PRKCE: variants seen among roughly 807,000 people sequenced by gnomAD.
PRKCE encodes the protein protein kinase C epsilon.
In PRKCE, 16 loss-of-function variants were observed where a neutral mutation model predicts 85.4. That is an observed-to-expected ratio of 0.19 (90% CI 0.13 to 0.28). PRKCE has a LOEUF of 0.28. PRKCE is among the 10% of genes least tolerant of loss of function. The pLI is 1.00. For missense variants in PRKCE, 573 were observed against 975.2 expected (o/e 0.59, Z 5.49); for synonymous variants, 388 against 371.5 (o/e 1.04, Z -0.51).
intron 10 of PRKCE, among the ~76,000 whole-genome samples, chr2:46,027,502 G>C (rs1422309474): frequency 6.6e-6 from 1 of 152,112 alleles, no homozygotes; most frequent in African/African-American, 2.4e-5. Flanking sequence ...CTAAAAGTGA[G>C]TCTTATTTGA....
At position 45,663,688 on chromosome 2, in the gene PRKCE, C is replaced by G. The variant is rs1441739212; in HGVS notation, c.348+11240C>G. ...GTTCCAGCTACTTGGGAGGCTGAGG[C>G]AGGAGAATGGCATGAACCCAGGAGG... On this transcript the variant is annotated intron_variant, in intron 1 of 14. Coordinates refer to ENST00000306156, the MANE Select transcript of PRKCE (RefSeq NM_005400.3). Among the ~76,000 whole-genome samples the G allele has an allele frequency of 2.0e-5, 3 of 151,838 alleles. No individual in the cohort carries two copies. The East Asian group carries it at 5.8e-4, about 29-fold the overall frequency.
chr2:46,003,198 G>T (rs1704851907), intron 7 of PRKCE, among the ~76,000 whole-genome samples: 1 of 152,216 alleles, frequency 6.6e-6, no homozygotes, highest in Non-Finnish European at 1.5e-5. Flanking sequence ...GAAGCTCAAA[G>T]GCTTCTTTGC....
intron 10 of PRKCE, among the ~76,000 whole-genome samples, chr2:46,026,084 CTAATTGT>C (rs1707088970): frequency 6.6e-6 from 1 of 152,174 alleles, no homozygotes; most frequent in Non-Finnish European, 1.5e-5. Flanking sequence ...GCTCTTTGAG[CTAATTGT>C]TAATTTTCAA....
At chr2:45,966,807 G>T (rs184055516) in intron 2 of PRKCE, among the ~76,000 whole-genome samples, 60 of 152,236 alleles carry the variant, frequency 3.9e-4, no homozygotes, top group Middle Eastern at 3.4e-3. Context: ...TAACATCTGG[G>T]GGTAGCTGAA....
At position 45,824,793 on chromosome 2, in the gene PRKCE, G is replaced by A. The variant is rs1022765632; in HGVS notation, c.349-18207G>A. Reference sequence around the variant, plus strand: ...TCCCTTTATGTGAGTTTTCTGATTTGTTGTGTGTTGCTTATCTGTTTATGA... The same window carrying A: ...TCCCTTTATGTGAGTTTTCTGATTTATTGTGTGTTGCTTATCTGTTTATGA... On this transcript the variant is annotated intron_variant, in intron 1 of 14. Transcript: ENST00000306156. 2.0e-5 allele frequency among the ~76,000 whole-genome samples: 3 copies of A among 152,162 alleles called. No homozygotes were observed. The East Asian group carries it at 5.8e-4, about 29-fold the overall frequency.
At chr2:45,753,741 T>C (rs974774522) in intron 1 of PRKCE, among the ~76,000 whole-genome samples, 5 of 152,194 alleles carry the variant, frequency 3.3e-5, no homozygotes, top group Admixed American at 1.3e-4. Flanking sequence ...GTCCCCATCA[T>C]CTAGATTTTT....
chr2:45,849,926 A>G (rs1268878329), intron 2 of PRKCE, among the ~76,000 whole-genome samples: 1 of 152,154 alleles, frequency 6.6e-6, no homozygotes, highest in African/African-American at 2.4e-5. Flanking sequence ...ACCAGATGAG[A>G]CCAAGGGGAT....
At chr2:46,143,917 G>T (rs953033139) in intron 11 of PRKCE, among the ~76,000 whole-genome samples, 5 of 152,198 alleles carry the variant, frequency 3.3e-5, no homozygotes, top group South Asian at 4.1e-4. Context: ...GATCCCTGGC[G>T]ATGGCCGGAG....
At chr2:45,672,379 C>A (rs1676215405) in intron 1 of PRKCE, among the ~76,000 whole-genome samples, 1 of 152,014 alleles carries the variant, frequency 6.6e-6, no homozygotes, top group Admixed American at 6.6e-5. Context: ...TCCATCTCTA[C>A]ATCCATCCAT....
chr2:45,997,615 C>T (rs570405826), intron 6 of PRKCE, among the ~76,000 whole-genome samples: 73 of 152,036 alleles, frequency 4.8e-4, no homozygotes, highest in Non-Finnish European at 5.9e-4. Context: ...GGTATGATCT[C>T]GGCTCACTAC....
At chr2:45,961,241 C>T (rs1198379416) in intron 2 of PRKCE, among the ~76,000 whole-genome samples, 6 of 152,206 alleles carry the variant, frequency 3.9e-5, no homozygotes, top group Non-Finnish European at 8.8e-5. Flanking sequence ...TCCTTTCCCC[C>T]CCCGATTTGG....
chr2:45,881,655 C>G (rs571328307), intron 2 of PRKCE, among the ~76,000 whole-genome samples: 1 of 152,318 alleles, frequency 6.6e-6, no homozygotes, highest in East Asian at 1.9e-4. Context: ...GTGGTAGGTG[C>G]TATAGTCATC....
At chr2:46,094,683 T>C (rs1054887984) in intron 11 of PRKCE, among the ~76,000 whole-genome samples, 4 of 152,004 alleles carry the variant, frequency 2.6e-5, no homozygotes, top group African/African-American at 9.7e-5. Context: ...AGCTAATGGA[T>C]GCTGGGCTTA....
At chr2:45,844,282 A>G (rs61763789) in intron 2 of PRKCE, among the ~76,000 whole-genome samples, 4,564 of 152,252 alleles carry the variant, frequency 0.03, 92 homozygotes, top group African/African-American at 0.063. Flanking sequence ...TAGGTTTAAA[A>G]CTTTAAACAG....
At chr2:45,815,029 CAGG>C (rs1015245031) in intron 1 of PRKCE, among the ~76,000 whole-genome samples, 2 of 152,180 alleles carry the variant, frequency 1.3e-5, no homozygotes, top group African/African-American at 4.8e-5. Context: ...TCATTTACAG[CAGG>C]AGATCAGAGG....
chr2:45,764,329 G>T (rs1684741500), intron 1 of PRKCE, among the ~76,000 whole-genome samples: 1 of 152,206 alleles, frequency 6.6e-6, no homozygotes, highest in Non-Finnish European at 1.5e-5. Flanking sequence ...CAAACACGTG[G>T]TTTAAGAGCT....
chr2:46,142,560 G>A (rs1000808580), intron 11 of PRKCE, among the ~76,000 whole-genome samples: 2 of 152,242 alleles, frequency 1.3e-5, no homozygotes, highest in Non-Finnish European at 2.9e-5. Flanking sequence ...AAGCATTTTG[G>A]TCAGGGCCTC....
At chr2:46,106,542 G>C (rs1671735831) in intron 11 of PRKCE, among the ~76,000 whole-genome samples, 1 of 152,352 alleles carries the variant, frequency 6.6e-6, no homozygotes, top group Admixed American at 6.5e-5. Context: ...GGATGTTCAA[G>C]ATCAAGGTAC....
At chr2:46,060,261 C>T (rs1666975992) in intron 10 of PRKCE, among the ~76,000 whole-genome samples, 1 of 152,134 alleles carries the variant, frequency 6.6e-6, no homozygotes, top group Non-Finnish European at 1.5e-5. Flanking sequence ...TGAAGTTAAG[C>T]AAATGTATGA....
Sources: gnomAD v4.1 joint callset for allele counts (sites outside exome capture counted in the v4.1 genomes callset) on GRCh38, gnomAD v4.1.1 for gene constraint, MANE v1.5 for transcripts, NCBI Gene and HGNC (gene_info 2026-07-23, HGNC 2026-07-21) for gene names.